PRKG1: variants seen among roughly 807,000 people sequenced by gnomAD.
The protein encoded by PRKG1 is protein kinase cGMP-dependent 1, also known as cGMP-dependent protein kinase 1.
A neutral mutation model predicts 88.1 loss-of-function variants in PRKG1; 35 were observed. That is an observed-to-expected ratio of 0.40 (90% CI 0.30 to 0.53). The LOEUF (loss-of-function observed/expected upper bound fraction) is 0.53, where lower values mean the gene tolerates loss of function less well. PRKG1 is among the 20% of genes least tolerant of loss of function. The pLI, the probability that PRKG1 is intolerant of heterozygous loss-of-function variation, is 0.59. For synonymous variants in PRKG1, 303 were observed against 292.5 expected (o/e 1.04, Z -0.37); for missense variants, 540 against 839.8 (o/e 0.64, Z 4.41).
chr10:51,966,355 C>A (rs1230697126), intron 5 of PRKG1, among the ~76,000 whole-genome samples: 5 of 152,064 alleles, frequency 3.3e-5, no homozygotes, highest in Non-Finnish European at 7.4e-5. Flanking sequence ...TCTCTGTGGC[C>A]TGTGGAACAC....
chr10:51,364,191 C>A (rs1279980770), intron 2 of PRKG1, among the ~76,000 whole-genome samples: 2 of 151,900 alleles, frequency 1.3e-5, no homozygotes, highest in Non-Finnish European at 2.9e-5. Context: ...TATTTTAGTC[C>A]ATTTACTTGA....
intron 4 of PRKG1, among the ~76,000 whole-genome samples, chr10:51,837,639 C>T (rs1436276387): frequency 1.3e-5 from 2 of 152,026 alleles, no homozygotes; most frequent in Non-Finnish European, 2.9e-5. Flanking sequence ...GGGTAGGGGG[C>T]TCTCCTTCAT....
chr10:52,201,097 CTTTT>C (rs1839654213), intron 9 of PRKG1, among the ~76,000 whole-genome samples: 1 of 152,062 alleles, frequency 6.6e-6, no homozygotes, highest in Non-Finnish European at 1.5e-5. Context: ...GTTGCAATTA[CTTTT>C]GGTGCCTTCG....
At chr10:51,028,591 T>C (rs1453381103) in intron 1 of PRKG1, among the ~76,000 whole-genome samples, 3 of 141,912 alleles carry the variant, frequency 2.1e-5, no homozygotes, top group Admixed American at 7.0e-5. Flanking sequence ...GAAAAAAAAA[T>C]TCAGATAACA....
chr10:51,340,993 T>C (rs1433239737), intron 2 of PRKG1, among the ~76,000 whole-genome samples: 1 of 152,188 alleles, frequency 6.6e-6, no homozygotes, highest in Non-Finnish European at 1.5e-5. Context: ...CCCCGTTAGC[T>C]AATTCAAAAT....
At chr10:51,399,901 G>A (rs908685778) in intron 2 of PRKG1, among the ~76,000 whole-genome samples, 2 of 152,150 alleles carry the variant, frequency 1.3e-5, no homozygotes, top group African/African-American at 4.8e-5. Context: ...CGGGGGCAGA[G>A]GTCTCCTCAT....
At chr10:51,166,229 A>T (rs894993722) in intron 2 of PRKG1, among the ~76,000 whole-genome samples, 3 of 151,716 alleles carry the variant, frequency 2.0e-5, no homozygotes, top group Non-Finnish European at 4.4e-5. Context: ...AAAAAAAAAG[A>T]TTTGTAATAA....
intron 2 of PRKG1, among the ~76,000 whole-genome samples, chr10:51,456,395 A>G (rs1354195479): frequency 6.6e-6 from 1 of 152,210 alleles, no homozygotes; most frequent in African/African-American, 2.4e-5. Flanking sequence ...CACATATGGA[A>G]GAATGAAACT....
intron 3 of PRKG1, among the ~76,000 whole-genome samples, chr10:51,597,941 G>T (rs984193685): frequency 9.2e-5 from 14 of 152,176 alleles, no homozygotes; most frequent in African/African-American, 1.7e-4. Context: ...GAAACAGTAA[G>T]ATAAAGTTGA....
chr10:51,325,552 T>C (rs148580857), intron 2 of PRKG1, among the ~76,000 whole-genome samples: 1 of 152,330 alleles, frequency 6.6e-6, no homozygotes, highest in East Asian at 1.9e-4. Flanking sequence ...AAATATATTC[T>C]TCGATACTGT....
chr10:52,063,416 G>A (rs1039596567), intron 7 of PRKG1, among the ~76,000 whole-genome samples: 2 of 152,244 alleles, frequency 1.3e-5, no homozygotes, highest in Non-Finnish European at 2.9e-5. Context: ...GCCCCAAAGC[G>A]GGAGTCACAG....
At chr10:51,485,188 A>AT (rs1369358233) in intron 3 of PRKG1, among the ~76,000 whole-genome samples, 1 of 152,070 alleles carries the variant, frequency 6.6e-6, no homozygotes, top group Non-Finnish European at 1.5e-5. Context: ...TTTTATTTTT[A>AT]TTTTTTAATA....
chr10:51,594,126 G>A (rs971904811), intron 3 of PRKG1, among the ~76,000 whole-genome samples: 1 of 152,110 alleles, frequency 6.6e-6, no homozygotes, highest in African/African-American at 2.4e-5. Flanking sequence ...CTGGGCTCAA[G>A]TCATCTTCCC....
chr10:51,978,594 C>T (rs1843911347), intron 5 of PRKG1, among the ~76,000 whole-genome samples: 1 of 151,988 alleles, frequency 6.6e-6, no homozygotes, highest in Admixed American at 6.6e-5. Context: ...TATCCATAAG[C>T]ATGGAATGTT....
At chr10:51,534,736 G>T (rs1308032169) in intron 3 of PRKG1, among the ~76,000 whole-genome samples, 1 of 151,596 alleles carries the variant, frequency 6.6e-6, no homozygotes, top group Non-Finnish European at 1.5e-5. Flanking sequence ...GCTATTGTGT[G>T]ATAAAATAGC....
At chr10:51,491,962 G>A (rs1840717885) in intron 3 of PRKG1, among the ~76,000 whole-genome samples, 1 of 152,066 alleles carries the variant, frequency 6.6e-6, no homozygotes, top group Admixed American at 6.6e-5. Flanking sequence ...GAAAGCGATG[G>A]TTTTCTTGAG....
intron 3 of PRKG1, among the ~76,000 whole-genome samples, chr10:51,774,605 G>A (rs1227377320): frequency 1.3e-5 from 2 of 151,958 alleles, no homozygotes; most frequent in African/African-American, 4.8e-5. Flanking sequence ...AGTAGGAGGT[G>A]TTTATCATAT....
intron 8 of PRKG1, among the ~76,000 whole-genome samples, chr10:52,137,543 C>T (rs1005791020): frequency 1.3e-5 from 2 of 151,964 alleles, no homozygotes; most frequent in South Asian, 4.1e-4. Flanking sequence ...CTTTGAATAC[C>T]AAAATCCACA....
intron 3 of PRKG1, among the ~76,000 whole-genome samples, chr10:51,652,965 T>C (rs1481680269): frequency 6.6e-6 from 1 of 152,220 alleles, no homozygotes; most frequent in Non-Finnish European, 1.5e-5. Flanking sequence ...AATCATGTGG[T>C]ATTTGTCTTC....
Sources: gnomAD v4.1 joint callset for allele counts (sites outside exome capture counted in the v4.1 genomes callset) on GRCh38, gnomAD v4.1.1 for gene constraint, MANE v1.5 for transcripts, NCBI Gene and HGNC (gene_info 2026-07-23, HGNC 2026-07-21) for gene names.